The following FADS3 variants were observed in gnomAD, a reference collection of about 807,000 sequenced individuals.
The protein encoded by FADS3 is cytochrome b5-related protein.
Under a neutral mutation model 60.4 loss-of-function variants are expected in FADS3, and 30 were observed. That is an observed-to-expected ratio of 0.50 (90% CI 0.37 to 0.67). The LOEUF (loss-of-function observed/expected upper bound fraction) is 0.67. FADS3 is among the 30% of genes least tolerant of loss of function. The pLI is 0.00. For missense variants in FADS3, 432 were observed against 598.3 expected, an observed-to-expected ratio of 0.72 and a Z score of 2.90; for synonymous variants, 234 against 249.3, an observed-to-expected ratio of 0.94 and a Z score of 0.58.
Position 61,875,916 on chromosome 11 carries a change from C to A in FADS3, c.1221G>T (p.Leu407=). ...YSRVAPLVKS[L]CAKHGLSYEV... is the part of the protein sequence containing the mutation. ...CGTAGCTGAGGCCGTGCTTGGCACA[C>A]AGCGACTTGACCAGCGGGGCCACCC... The change falls in exon 11 of 12, where the codon CTG becomes CTT. Residue 407 remains leucine (L), a synonymous_variant. Transcript: ENST00000278829. 1 of 1,613,850 alleles carries A rather than the reference C, an allele frequency of 6.2e-7. No individual in the cohort carries two copies.
chr11:61,880,343 C>A, intron 1 of FADS3, 192 bp from the exon 2 acceptor site: 1 of 494,230 alleles, frequency 2.0e-6, no homozygotes, highest in Non-Finnish European at 3.6e-6. Flanking sequence ...GGTTGTCCTG[C>A]TTTTCACCCA....
intron 1 of FADS3, among the ~76,000 whole-genome samples, chr11:61,882,840 G>A (rs1344800014): frequency 6.6e-6 from 1 of 152,054 alleles, no homozygotes; most frequent in African/African-American, 2.4e-5. Flanking sequence ...AGAGATTCTT[G>A]TGCCTTAGCC....
upstream of FADS3, chr11:61,891,576 G>C (rs560785921): frequency 5.0e-5 from 12 of 239,484 alleles, no homozygotes; most frequent in African/African-American, 2.3e-4. Context: ...CCTTATAACC[G>C]CGCGGACGGC....
rs556173649 is a variant in FADS3, at chr11:61,877,309, C to G, written c.885+202G>C. ...ACCCCCCCTGTTCCTCAACCCCCCC[C>G]CACCACACGTACAGTCACGGGCACA... On this transcript the variant is annotated intron_variant, in intron 7 of 11. Coordinates refer to ENST00000278829, the MANE Select transcript of FADS3 (RefSeq NM_021727.5). The surrounding 1 kb of genome is among the most constrained non-coding windows in gnomAD (Gnocchi z 4.7). 3.5e-6 allele frequency: 1 copy of G among 288,192 alleles called. No homozygotes were observed. Among genetic ancestry groups the G allele is most frequent in the Non-Finnish European group, 6.7e-6 (1 of 150,096 alleles). 17.9% of individuals were successfully genotyped at this position (288,192 alleles called of 1,614,324 possible).
chr11:61,876,523 G>C lies in FADS3; in HGVS notation c.984-68C>G, dbSNP rs558864850. On this transcript the variant is annotated intron_variant, in intron 8 of 11. Transcript: ENST00000278829. The surrounding 1 kb of genome is among the most constrained non-coding windows in gnomAD (Gnocchi z 5.7). Reference sequence around the variant, plus strand: ...TTAGGCACCCTGAGTGGAGGCTGGAGAGCAGCTGTCCCCAAGTGGCCTTGA... The same window carrying C: ...TTAGGCACCCTGAGTGGAGGCTGGACAGCAGCTGTCCCCAAGTGGCCTTGA... The C allele has an allele frequency of 7.4e-5, 97 of 1,302,950 alleles. No individual in the cohort carries two copies. The African/African-American group carries it at 1.1e-3, about 15-fold the overall frequency. 80.7% of individuals were successfully genotyped at this position (1,302,950 alleles called of 1,614,324 possible).
chr11:61,875,702 G>A (rs1591189056), intron 11 of FADS3, 149 bp downstream of exon 11: 3 of 935,102 alleles, frequency 3.2e-6, no homozygotes, highest in East Asian at 2.6e-5. Context: ...CTCACTGTGT[G>A]CGTGAAGGCT....
intron 1 of FADS3, among the ~76,000 whole-genome samples, chr11:61,884,192 G>A (rs999708376): frequency 1.3e-5 from 2 of 152,190 alleles, no homozygotes; most frequent in Admixed American, 6.5e-5. Context: ...AGGTCACACA[G>A]TTCCATTTGA....
chr11:61,882,432 T>G (rs1038605706), intron 1 of FADS3: 5 of 149,322 alleles, frequency 3.3e-5, no homozygotes, highest in African/African-American at 7.5e-5. Flanking sequence ...CACTGAAAAA[T>G]TTTTTTGAGA....
intron 11 of FADS3, 101 bp from the exon 12 acceptor site, chr11:61,873,966 T>G: frequency 1.3e-6 from 1 of 743,764 alleles, no homozygotes; most frequent in Non-Finnish European, 2.2e-6. Flanking sequence ...GAGATCCCCA[T>G]TCCCTGTGGG....
chr11:61,883,605 C>G (rs1326722258), intron 1 of FADS3, among the ~76,000 whole-genome samples: 4 of 152,206 alleles, frequency 2.6e-5, no homozygotes, highest in Non-Finnish European at 4.4e-5. Context: ...ACAGACACAC[C>G]CGGCGCAACG....
Position 61,873,865 on chromosome 11 carries a change from C to T in FADS3, c.1287G>A (p.Arg429=). The stretch of plus-strand genomic sequence containing the variant: ...AGATGTCACCAGACTTCTTCAGGGA[C>T]CTGGGAGGTGGGGGTGGCAGTGGGG... ...PFLTALVDIV[R]SLKKSGDIWL... is the part of the protein sequence containing the mutation. Residue 429 remains arginine (R), a splice_region_variant and synonymous_variant, in exon 12 of 12, where the codon AGG becomes AGA. Coordinates refer to ENST00000278829, the MANE Select transcript of FADS3 (RefSeq NM_021727.5). The T allele has an allele frequency of 1.9e-6, 3 of 1,607,044 alleles. No individual in the cohort carries two copies. Among genetic ancestry groups the T allele is most frequent in the Non-Finnish European group, 2.5e-6 (3 of 1,176,622 alleles).
intron 1 of FADS3, among the ~76,000 whole-genome samples, chr11:61,884,920 C>T (rs1938259278): frequency 6.6e-6 from 1 of 152,196 alleles, no homozygotes; most frequent in Non-Finnish European, 1.5e-5. Context: ...CAGAGGCCGG[C>T]ACAGAGCAGC....
At position 61,891,356 on chromosome 11, in the gene FADS3, G is replaced by A. The variant is rs1464056781; in HGVS notation, c.26C>T (p.Pro9Leu). The change falls in exon 1 of 12, where the codon CCG becomes CTG. Residue 9 changes from proline to leucine, a missense_variant. Coordinates refer to ENST00000278829, the MANE Select transcript of FADS3 (RefSeq NM_021727.5). Reference protein sequence around the residue: MGGVGEPGPREGPAQPGAP... With the variant: MGGVGEPGLREGPAQPGAP... ...CCCCGGCTGCGCGGGTCCCTCCCGCGGTCCCGGCTCCCCGACGCCGCCCAT... is the reference window on the plus strand; with the variant it reads ...CCCCGGCTGCGCGGGTCCCTCCCGCAGTCCCGGCTCCCCGACGCCGCCCAT... 2.7e-6 allele frequency: 4 copies of A among 1,492,946 alleles called. No homozygotes were observed. The highest frequency in any genetic ancestry group is 4.4e-5 in the Admixed American group (2 of 45,650). 92.5% of individuals were successfully genotyped at this position (1,492,946 alleles called of 1,614,324 possible).
rs1366165979 is a variant in FADS3, at chr11:61,876,336, T to A, written c.1080+23A>T. ...CTGGGACCCCCCACCCCACCCAGGA[T>A]GGGCCCCACCCCTGCTGCCCACCTG... On this transcript the variant is annotated intron_variant, in intron 9 of 11. Coordinates refer to ENST00000278829, the MANE Select transcript of FADS3 (RefSeq NM_021727.5). The surrounding 1 kb of genome is among the most constrained non-coding windows in gnomAD (Gnocchi z 5.7). 1.9e-6 allele frequency: 3 copies of A among 1,603,054 alleles called. No homozygotes were observed. The highest frequency in any genetic ancestry group is 2.2e-5 in the East Asian group (1 of 44,776).
chr11:61,886,909 T>C (rs914913847), intron 1 of FADS3, among the ~76,000 whole-genome samples: 5 of 151,084 alleles, frequency 3.3e-5, no homozygotes, highest in Non-Finnish European at 7.4e-5. Flanking sequence ...AGAAGGAGGG[T>C]CCTAAGGCAG....
intron 11 of FADS3, 104 bp from the exon 12 acceptor site, chr11:61,873,969 C>T (rs1937775855): frequency 1.4e-6 from 1 of 714,396 alleles, no homozygotes; most frequent in Non-Finnish European, 2.4e-6. Context: ...ATCCCCATTC[C>T]CTGTGGGTTC....
intron 11 of FADS3, among the ~76,000 whole-genome samples, chr11:61,875,468 A>G (rs1371200674): frequency 6.7e-6 from 1 of 149,776 alleles, no homozygotes; most frequent in African/African-American, 2.5e-5. Flanking sequence ...CCTGACCTCA[A>G]GTGATCCGCC....
intron 1 of FADS3, among the ~76,000 whole-genome samples, chr11:61,888,933 T>C (rs1277417013): frequency 6.6e-6 from 1 of 152,208 alleles, no homozygotes; most frequent in Non-Finnish European, 1.5e-5. Flanking sequence ...TTTGCTCTTG[T>C]TGCCCAGGCT....
At chr11:61,890,746 G>C (rs1019427117) in intron 1 of FADS3, among the ~76,000 whole-genome samples, 4 of 151,956 alleles carry the variant, frequency 2.6e-5, no homozygotes, top group Non-Finnish European at 5.9e-5. Flanking sequence ...CCTCAGGCCG[G>C]CCCAGCCCCC....
Sources: gnomAD v4.1 joint callset for allele counts (sites outside exome capture counted in the v4.1 genomes callset) on GRCh38, gnomAD v4.1.1 for gene constraint, Gnocchi (gnomAD v3.1) non-coding constraint, MANE v1.5 for transcripts, NCBI Gene and HGNC (gene_info 2026-07-23, HGNC 2026-07-21) for gene names.